HMGCLL1: variants seen among roughly 807,000 people sequenced by gnomAD.
The protein encoded by HMGCLL1 is 3-hydroxy-3-methylglutaryl-CoA lyase like 1.
A neutral mutation model predicts 39.1 loss-of-function variants in HMGCLL1; 36 were observed. That is an observed-to-expected ratio of 0.92 (90% CI 0.71 to 1.22). HMGCLL1 has a LOEUF of 1.22. Ranked by LOEUF, HMGCLL1 falls within the 50% of genes most tolerant of loss-of-function variation. The pLI is 0.00. For synonymous variants in HMGCLL1, 149 were observed against 144.0 expected, an observed-to-expected ratio of 1.03 and a Z score of -0.25; for missense variants, 451 against 416.5, an observed-to-expected ratio of 1.08 and a Z score of -0.72.
the HMGCLL1 span, among the ~76,000 whole-genome samples, chr6:55,587,118 T>G: frequency 1.3e-5 from 2 of 152,140 alleles, no homozygotes; most frequent in South Asian, 4.1e-4. Flanking sequence ...TCAATGTGGT[T>G]TCGATTTGCA....
At chr6:55,510,469 T>G (rs969052393) in intron 5 of HMGCLL1, among the ~76,000 whole-genome samples, 77 of 151,048 alleles carry the variant, frequency 5.1e-4, no homozygotes, top group South Asian at 8.4e-4. Context: ...CCATAAAAAA[T>G]GATGAGTTCA....
At chr6:55,618,915 C>T in the HMGCLL1 span, among the ~76,000 whole-genome samples, 1 of 152,076 alleles carries the variant, frequency 6.6e-6, no homozygotes, top group African/African-American at 2.4e-5. Flanking sequence ...AGACTAATGA[C>T]ATTTTCAGGC....
intron 3 of HMGCLL1, among the ~76,000 whole-genome samples, chr6:55,522,536 T>C (rs1453020121): frequency 6.6e-6 from 1 of 152,000 alleles, no homozygotes; most frequent in East Asian, 1.9e-4. Flanking sequence ...TCCTATTCAT[T>C]TTTTGACAAG....
chr6:55,592,135 G>A, the HMGCLL1 span, among the ~76,000 whole-genome samples: 2 of 151,936 alleles, frequency 1.3e-5, no homozygotes, highest in African/African-American at 2.4e-5. Flanking sequence ...AGGGAGAGAT[G>A]GGACAACAGG....
the HMGCLL1 span, among the ~76,000 whole-genome samples, chr6:55,603,776 GT>G: frequency 1.3e-5 from 2 of 152,066 alleles, no homozygotes; most frequent in East Asian, 3.9e-4. Flanking sequence ...GCATGTTTAT[GT>G]TTCTATAAAA....
chr6:55,629,938 T>G, the HMGCLL1 span, among the ~76,000 whole-genome samples: 2 of 152,126 alleles, frequency 1.3e-5, no homozygotes, highest in Non-Finnish European at 2.9e-5. Flanking sequence ...GGGGCTCTCA[T>G]GGAGAAACTC....
chr6:55,635,432 TA>T, the HMGCLL1 span, among the ~76,000 whole-genome samples: 159 of 147,936 alleles, frequency 1.1e-3, 1 homozygote, highest in African/African-American at 1.5e-3. Context: ...GAATTCTAGA[TA>T]AAAAAAAAAA....
At chr6:55,494,056 A>G (rs1219647965) in intron 7 of HMGCLL1, among the ~76,000 whole-genome samples, 1 of 152,054 alleles carries the variant, frequency 6.6e-6, no homozygotes, top group African/African-American at 2.4e-5. Flanking sequence ...TTCTTTAGAT[A>G]TGATTGCAAC....
At chr6:55,553,733 C>A (rs1770493937) in intron 1 of HMGCLL1, among the ~76,000 whole-genome samples, 1 of 151,980 alleles carries the variant, frequency 6.6e-6, no homozygotes, top group African/African-American at 2.4e-5. Flanking sequence ...ACATTTTTTT[C>A]TGATATTTTG....
intron 5 of HMGCLL1, among the ~76,000 whole-genome samples, chr6:55,506,352 T>C (rs893047808): frequency 1.3e-5 from 2 of 151,354 alleles, no homozygotes; most frequent in Non-Finnish European, 3.0e-5. Flanking sequence ...AAATGATGAA[T>C]CCTTGGAGTA....
At chr6:55,556,852 G>C (rs948079632) in intron 1 of HMGCLL1, among the ~76,000 whole-genome samples, 1 of 152,112 alleles carries the variant, frequency 6.6e-6, no homozygotes, top group African/African-American at 2.4e-5. Flanking sequence ...TGACTCCCAG[G>C]CTGGGCAGGG....
chr6:55,539,414 C>A (rs1297560591), intron 3 of HMGCLL1, among the ~76,000 whole-genome samples: 1 of 152,026 alleles, frequency 6.6e-6, no homozygotes, highest in East Asian at 1.9e-4. Flanking sequence ...GCACTATTCA[C>A]AACAGTAAAG....
At chr6:55,583,506 C>T (rs1256938482), upstream of HMGCLL1, among the ~76,000 whole-genome samples, 1 of 152,078 alleles carries the variant, frequency 6.6e-6, no homozygotes, top group Non-Finnish European at 1.5e-5. Flanking sequence ...TCATCCATGT[C>T]CCTACAAAGG....
intron 1 of HMGCLL1, among the ~76,000 whole-genome samples, chr6:55,553,704 G>C (rs538962054): frequency 2.0e-5 from 3 of 152,036 alleles, no homozygotes; most frequent in Non-Finnish European, 4.4e-5. Flanking sequence ...TTTTTGTAAG[G>C]CTAACTTGAA....
At chr6:55,529,005 G>T (rs138104161) in intron 3 of HMGCLL1, among the ~76,000 whole-genome samples, 2 of 152,122 alleles carry the variant, frequency 1.3e-5, no homozygotes, top group East Asian at 3.9e-4. Context: ...TAAACTGAGA[G>T]ACCAATATTC....
chr6:55,575,658 T>C (rs1172915085), intron 1 of HMGCLL1, among the ~76,000 whole-genome samples: 1 of 152,176 alleles, frequency 6.6e-6, no homozygotes. Flanking sequence ...TCTGCCAGAT[T>C]CAACAATAGA....
intron 7 of HMGCLL1, among the ~76,000 whole-genome samples, chr6:55,475,812 T>C (rs1306969017): frequency 6.6e-6 from 1 of 151,638 alleles, no homozygotes; most frequent in Non-Finnish European, 1.5e-5. Flanking sequence ...TCTGTATGAA[T>C]ATCCAATTGA....
At chr6:55,577,262 T>C (rs182811904) in intron 1 of HMGCLL1, 45 of 1,460,444 alleles carry the variant, frequency 3.1e-5, no homozygotes, top group African/African-American at 4.2e-5. Context: ...TTCAACAGTA[T>C]TGGAACTAAA....
chr6:55,650,090 CAT>C, the HMGCLL1 span, among the ~76,000 whole-genome samples: 1,145 of 52,194 alleles, frequency 0.022, 21 homozygotes, highest in Non-Finnish European at 0.03. Flanking sequence ...CACACATATA[CAT>C]ATATATATAT....
Sources: allele counts gnomAD v4.1 joint callset (sites outside exome capture counted in the v4.1 genomes callset), GRCh38; gene constraint gnomAD v4.1.1; transcripts MANE v1.5; gene names NCBI Gene and HGNC (gene_info 2026-07-23, HGNC 2026-07-21).